THRB: variants seen among roughly 807,000 people sequenced by gnomAD.
THRB encodes thyroid hormone receptor beta.
Under a neutral mutation model 47.8 loss-of-function variants are expected in THRB, and 12 were observed. That is an observed-to-expected ratio of 0.25 (90% CI 0.16 to 0.41). The LOEUF (loss-of-function observed/expected upper bound fraction) is 0.41. Among genes scored for constraint, THRB ranks in the 10% least tolerant of loss-of-function variants. The pLI, the probability that THRB is intolerant of heterozygous loss-of-function variation, is 1.00. For missense variants in THRB, 348 were observed against 589.2 expected (o/e 0.59, Z 4.24); for synonymous variants, 218 against 212.2 (o/e 1.03, Z -0.24).
intron 1 of THRB, among the ~76,000 whole-genome samples, chr3:24,487,563 A>C (rs73823337): frequency 0.021 from 3,214 of 152,308 alleles, 114 homozygotes; most frequent in African/African-American, 0.069. Context: ...TAATATAAGA[A>C]GAGGATCTGT....
At chr3:24,371,487 T>C (rs1014779663) in intron 1 of THRB, among the ~76,000 whole-genome samples, 1 of 152,112 alleles carries the variant, frequency 6.6e-6, no homozygotes, top group Non-Finnish European at 1.5e-5. Flanking sequence ...GTAAACCATA[T>C]TATTTGGGAA....
At chr3:24,228,302 T>G (rs2047882833) in intron 4 of THRB, among the ~76,000 whole-genome samples, 1 of 152,170 alleles carries the variant, frequency 6.6e-6, no homozygotes, top group African/African-American at 2.4e-5. Flanking sequence ...ATTCTGCCTC[T>G]CCTTTGACCC....
intron 4 of THRB, among the ~76,000 whole-genome samples, chr3:24,219,738 C>T (rs1167482519): frequency 6.6e-6 from 1 of 152,238 alleles, no homozygotes; most frequent in Non-Finnish European, 1.5e-5. Flanking sequence ...ATCAGTGATT[C>T]TCAAACTTCT....
intron 8 of THRB, 72 bp from the exon 9 acceptor site, chr3:24,133,534 G>A: frequency 7.0e-7 from 1 of 1,418,946 alleles, no homozygotes; most frequent in Non-Finnish European, 9.9e-7. Flanking sequence ...GTTCTTATGT[G>A]GCAGAAAATC....
At position 24,392,037 on chromosome 3, in the gene THRB, C is replaced by A. The variant is rs183526296; in HGVS notation, c.-260-54666G>T. On this transcript the variant is annotated intron_variant, in intron 1 of 10. Coordinates refer to ENST00000646209, the MANE Select transcript of THRB (RefSeq NM_001354712.2). ...TGTTCTACTGCCCTCATGGTGGCGACCCCGCTGAGAATTTTGCCATTTCCA... is the reference window on the plus strand; with the variant it reads ...TGTTCTACTGCCCTCATGGTGGCGAACCCGCTGAGAATTTTGCCATTTCCA... Among the ~76,000 whole-genome samples, 81 of 152,212 alleles carry A rather than the reference C, an allele frequency of 5.3e-4. 1 individual carries two copies. In the South Asian group the frequency reaches 0.015, roughly 29 times the overall value.
chr3:24,413,571 G>C (rs2068492366), intron 1 of THRB, among the ~76,000 whole-genome samples: 1 of 151,204 alleles, frequency 6.6e-6, no homozygotes, highest in Admixed American at 6.6e-5. Context: ...TTTCATCTCT[G>C]ATTTTTTTTA....
chr3:24,442,080 C>T (rs772362392), intron 1 of THRB, among the ~76,000 whole-genome samples: 9 of 151,996 alleles, frequency 5.9e-5, no homozygotes, highest in Non-Finnish European at 1.0e-4. Flanking sequence ...TTTTCAGGGA[C>T]TCCTGTGCTT....
intron 1 of THRB, among the ~76,000 whole-genome samples, chr3:24,356,761 A>G (rs2063701063): frequency 6.6e-6 from 1 of 152,156 alleles, no homozygotes; most frequent in Admixed American, 6.5e-5. Flanking sequence ...ATGATGGTGA[A>G]AACCATTTTC....
At chr3:24,464,306 C>T (rs2073958837) in intron 1 of THRB, among the ~76,000 whole-genome samples, 1 of 150,290 alleles carries the variant, frequency 6.7e-6, no homozygotes, top group Admixed American at 6.6e-5. Context: ...TAATATGGCA[C>T]ATTACAACAC....
chr3:24,147,059 T>C (rs1030238598), intron 6 of THRB, among the ~76,000 whole-genome samples: 3 of 152,194 alleles, frequency 2.0e-5, no homozygotes, highest in Non-Finnish European at 4.4e-5. Context: ...TTTTGGTCTT[T>C]ATTCAAGGAA....
intron 3 of THRB, among the ~76,000 whole-genome samples, chr3:24,273,956 T>C (rs1178203925): frequency 1.3e-5 from 2 of 152,204 alleles, no homozygotes; most frequent in East Asian, 3.8e-4. Flanking sequence ...GGTAGGAAAA[T>C]ATTATTTCTT....
intron 5 of THRB, among the ~76,000 whole-genome samples, chr3:24,156,730 C>T (rs949763000): frequency 6.6e-6 from 1 of 152,138 alleles, no homozygotes; most frequent in Non-Finnish European, 1.5e-5. Context: ...TTTTGTCACC[C>T]TTCAGGAAGC....
At chr3:24,206,494 T>A (rs2045368340) in intron 4 of THRB, among the ~76,000 whole-genome samples, 1 of 151,666 alleles carries the variant, frequency 6.6e-6, no homozygotes, top group South Asian at 2.1e-4. Flanking sequence ...TGGGACACAT[T>A]TAAAGCAGTG....
intron 3 of THRB, among the ~76,000 whole-genome samples, chr3:24,280,235 G>T (rs967508521): frequency 6.6e-6 from 1 of 152,162 alleles, no homozygotes; most frequent in African/African-American, 2.4e-5. Flanking sequence ...CGCAGCTGGA[G>T]ATCTGAGAAT....
At chr3:24,212,486 G>A (rs1301779957) in intron 4 of THRB, among the ~76,000 whole-genome samples, 1 of 130,648 alleles carries the variant, frequency 7.7e-6, no homozygotes, top group Non-Finnish European at 1.6e-5. Context: ...GGAGGCTGAG[G>A]AAAATCACTT....
At chr3:24,222,859 G>A (rs77620913) in intron 4 of THRB, among the ~76,000 whole-genome samples, 108 of 152,280 alleles carry the variant, frequency 7.1e-4, no homozygotes, top group African/African-American at 2.5e-3. Context: ...GGCAGCATTC[G>A]TAATGTGTAT....
intron 3 of THRB, among the ~76,000 whole-genome samples, chr3:24,229,361 G>T (rs1476076883): frequency 6.6e-6 from 1 of 152,160 alleles, no homozygotes; most frequent in African/African-American, 2.4e-5. Flanking sequence ...TCAAGGTGTG[G>T]TCTGTGGGCC....
At chr3:24,402,947 G>A (rs975450093) in intron 1 of THRB, among the ~76,000 whole-genome samples, 1 of 151,970 alleles carries the variant, frequency 6.6e-6, no homozygotes, top group Non-Finnish European at 1.5e-5. Context: ...TGATCACCTA[G>A]AGTGACCTTA....
At chr3:24,379,590 G>A (rs2065543392) in intron 1 of THRB, among the ~76,000 whole-genome samples, 1 of 149,572 alleles carries the variant, frequency 6.7e-6, no homozygotes, top group African/African-American at 2.5e-5. Context: ...TATTCAGCAT[G>A]AGGATTCTGT....
Sources: gnomAD v4.1 joint callset for allele counts (sites outside exome capture counted in the v4.1 genomes callset) on GRCh38, gnomAD v4.1.1 for gene constraint, MANE v1.5 for transcripts, NCBI Gene and HGNC (gene_info 2026-07-23, HGNC 2026-07-21) for gene names.